Variants in TMX3 observed in about 807,000 individuals in gnomAD.
The protein encoded by TMX3 is protein disulfide-isomerase TMX3.
In TMX3, 40 loss-of-function variants were observed where a neutral mutation model predicts 64.4. The ratio of observed to expected loss-of-function variants is 0.62; its 90% CI spans 0.48 to 0.81. TMX3 has a LOEUF of 0.81. TMX3 is among the 30% of genes least tolerant of loss of function. TMX3 has a pLI of 0.00. For missense variants in TMX3, 497 were observed against 534.5 expected, an observed-to-expected ratio of 0.93 and a Z score of 0.69; for synonymous variants, 189 against 175.7, an observed-to-expected ratio of 1.08 and a Z score of -0.60.
chr18:68,683,331 G>A (rs563459241), intron 12 of TMX3, among the ~76,000 whole-genome samples: 3 of 152,066 alleles, frequency 2.0e-5, no homozygotes, highest in East Asian at 1.9e-4. Flanking sequence ...ATCAGAAGAC[G>A]CTACATACTA....
In TMX3 at chr18:68,703,790, C is replaced by T. The variant is rs899533080; in HGVS notation, c.266-2000G>A. ...CTAAAACTACAAAAAATTAGTCGCG[C>T]GCGGTGGCGGGTGCCTGTAGTCCCA... is the stretch of plus-strand genomic sequence containing the variant. On this transcript the variant is annotated intron_variant, in intron 4 of 15. Transcript: ENST00000299608. Among the ~76,000 whole-genome samples, 7 of 151,904 alleles carry T rather than the reference C, an allele frequency of 4.6e-5. 1 individual carries two copies. Among genetic ancestry groups the T allele is most frequent in the East Asian group, 3.9e-4 (2 of 5,150 alleles).
intron 11 of TMX3, 56 bp downstream of exon 11, chr18:68,684,372 A>G: frequency 6.5e-7 from 1 of 1,544,512 alleles, no homozygotes; most frequent in Non-Finnish European, 8.9e-7. Context: ...GTCTATCTAA[A>G]GCCATATAGT....
chr18:68,708,011 ATATGTG>A (rs57776603), intron 4 of TMX3, among the ~76,000 whole-genome samples: 7,037 of 148,422 alleles, frequency 0.047, 553 homozygotes, highest in African/African-American at 0.17. Context: ...ATATATGTGT[ATATGTG>A]TATATATGTG....
In TMX3 at chr18:68,673,970, T is replaced by TTTTTCCCTGTC; in HGVS notation, c.*2952_*2962dup. The stretch of plus-strand genomic sequence containing the variant: ...TTAATGCATAAGGAGTGTTGAATGA[T>TTTTTCCCTGTC]TTTTCCCTGTCCTAACTCCATGTCG... On this transcript the variant is annotated 3_prime_UTR_variant, in exon 16 of 16. Coordinates refer to ENST00000299608, the MANE Select transcript of TMX3 (RefSeq NM_019022.5). 1 of 152,224 alleles carries TTTTTCCCTGTC rather than the reference T, an allele frequency of 6.6e-6. No homozygotes were observed. The highest frequency in any genetic ancestry group is 1.5e-5 in the Non-Finnish European group (1 of 68,002). The allele number at this position is 152,224 out of a possible 1,614,324, so 9.4% of individuals were successfully genotyped here.
chr18:68,703,977 C>T (rs150651758), intron 4 of TMX3, among the ~76,000 whole-genome samples: 43 of 151,942 alleles, frequency 2.8e-4, no homozygotes, highest in African/African-American at 4.3e-4. Context: ...GCAAACAAAG[C>T]GGGAGTTATA....
At chr18:68,688,496 A>G (rs1914187211) in intron 9 of TMX3, 1 of 152,224 alleles carries the variant, frequency 6.6e-6, no homozygotes, top group African/African-American at 2.4e-5. Flanking sequence ...TTACAATTGC[A>G]TAAAAAAGGT....
intron 11 of TMX3, 72 bp from the exon 12 acceptor site, chr18:68,684,315 G>T: frequency 6.7e-7 from 1 of 1,482,090 alleles, no homozygotes; most frequent in Non-Finnish European, 9.4e-7. Flanking sequence ...GATAGTATCT[G>T]CTGTCTTACA....
chr18:68,700,666 A>C (rs1358516118), intron 5 of TMX3, 181 bp from the exon 6 acceptor site: 9 of 911,200 alleles, frequency 9.9e-6, no homozygotes, highest in Non-Finnish European at 1.2e-5. Context: ...CCAGTAACAC[A>C]AAAGAAAAGA....
intron 10 of TMX3, among the ~76,000 whole-genome samples, chr18:68,685,958 C>T (rs1913910772): frequency 6.6e-6 from 1 of 152,028 alleles, no homozygotes. Context: ...TTTCAAGAAA[C>T]TGGTATCAAG....
At position 68,679,377 on chromosome 18, in the gene TMX3, CT is replaced by C. The variant is rs1913209637; in HGVS notation, c.1104+85del. The C allele has an allele frequency of 1.5e-5, 16 of 1,101,780 alleles. No homozygotes were observed. In the South Asian group the frequency reaches 2.5e-4, roughly 17 times the overall value. The allele number at this position is 1,101,780 out of a possible 1,614,324, so 68.3% of individuals were successfully genotyped here. Reference sequence around the variant, plus strand: ...TTAAAAAGACATATTTTGACCTAATCTTTTCAAATTCAGATTTTTAACACAG... The same window carrying C: ...TTAAAAAGACATATTTTGACCTAATCTTTCAAATTCAGATTTTTAACACAG... On this transcript the variant is annotated intron_variant, in intron 15 of 15. Coordinates refer to ENST00000299608, the MANE Select transcript of TMX3 (RefSeq NM_019022.5).
rs1386380348 is a variant in TMX3, at chr18:68,674,874, T to C, written c.*2059A>G. 6.6e-6 allele frequency: 1 copy of C among 152,064 alleles called. No homozygotes were observed. Among genetic ancestry groups the C allele is most frequent in the African/African-American group, 2.4e-5 (1 of 41,414 alleles). 9.4% of individuals were successfully genotyped at this position (152,064 alleles called of 1,614,324 possible). On this transcript the variant is annotated 3_prime_UTR_variant, in exon 16 of 16. Coordinates refer to ENST00000299608, the MANE Select transcript of TMX3 (RefSeq NM_019022.5). ...AAACAGTACAAAGCTGTGAAAAGGG[T>C]AGCAGAGAACTGAGGCATTCATTTA... is the stretch of plus-strand genomic sequence containing the variant.
intron 4 of TMX3, among the ~76,000 whole-genome samples, chr18:68,704,791 C>G (rs2030498650): frequency 6.6e-6 from 1 of 152,124 alleles, no homozygotes; most frequent in African/African-American, 2.4e-5. Flanking sequence ...CTATTTTCTT[C>G]TTGAAATGGT....
chr18:68,699,076 G>A (rs950311757), intron 6 of TMX3, among the ~76,000 whole-genome samples: 3 of 151,530 alleles, frequency 2.0e-5, no homozygotes, highest in Non-Finnish European at 4.4e-5. Flanking sequence ...CATATGGTGT[G>A]TATATTACAA....
At chr18:68,695,645 A>T (rs538691635) in intron 8 of TMX3, among the ~76,000 whole-genome samples, 2 of 152,304 alleles carry the variant, frequency 1.3e-5, no homozygotes, top group Non-Finnish European at 2.9e-5. Flanking sequence ...CATATCAGCA[A>T]GCTCTGACAA....
chr18:68,697,377 A>AG, intron 7 of TMX3, 74 bp from the exon 8 acceptor site: 5 of 771,756 alleles, frequency 6.5e-6, no homozygotes, highest in Non-Finnish European at 1.0e-5. Context: ...TTAAACAATG[A>AG]GAGTTACCTT....
chr18:68,703,000 C>T (rs553447949), intron 4 of TMX3, among the ~76,000 whole-genome samples: 6 of 152,178 alleles, frequency 3.9e-5, no homozygotes, highest in African/African-American at 1.4e-4. Context: ...TCTGAAGATA[C>T]AGGTCCTGCT....
chr18:68,697,250 A>C lies in TMX3; in HGVS notation c.546T>G (p.Ser182=). The C allele has an allele frequency of 6.3e-7, 1 of 1,581,806 alleles. No homozygotes were observed. Among genetic ancestry groups the C allele is most frequent in the South Asian group, 1.2e-5 (1 of 84,402 alleles). The change falls in exon 8 of 16, where the codon TCT becomes TCG. Residue 182 remains serine (S), a synonymous_variant. Transcript: ENST00000299608. ...SELIVYTYFF[S]ASEEVVPEYV... is the part of the protein sequence containing the mutation. ...CCTCAGGAACCACTTCTTCTGAGGC[A>C]GAAAAGAAGTATGTATATACAATCA...
chr18:68,712,986 G>A (rs1197746884), intron 2 of TMX3, among the ~76,000 whole-genome samples: 2 of 146,320 alleles, frequency 1.4e-5, no homozygotes, highest in Non-Finnish European at 3.0e-5. Flanking sequence ...TACTGTGACA[G>A]TGCAAGTCAA....
chr18:68,710,412 A>C (rs1290721817), intron 3 of TMX3, among the ~76,000 whole-genome samples: 1 of 152,202 alleles, frequency 6.6e-6, no homozygotes. Context: ...ATTTACAATA[A>C]AAATGTCTTT....
Sources: gnomAD v4.1 joint callset for allele counts (sites outside exome capture counted in the v4.1 genomes callset) on GRCh38, gnomAD v4.1.1 for gene constraint, MANE v1.5 for transcripts, NCBI Gene and HGNC (gene_info 2026-07-23, HGNC 2026-07-21) for gene names.